Variants in TARS3 observed in about 807,000 individuals in gnomAD.
TARS3 encodes threonine--tRNA ligase 2, cytoplasmic.
A neutral mutation model predicts 103.5 loss-of-function variants in TARS3; 94 were observed. The ratio of observed to expected loss-of-function variants is 0.91; its 90% CI spans 0.77 to 1.08. TARS3 has a LOEUF of 1.08. TARS3 is among the 50% of genes least tolerant of loss of function. The probability of loss-of-function intolerance (pLI) is 0.00; values close to 1 mark genes in which losing one functional copy is unlikely to be tolerated. For missense variants in TARS3, 952 were observed against 995.2 expected, an observed-to-expected ratio of 0.96 and a Z score of 0.58; for synonymous variants, 416 against 355.4, an observed-to-expected ratio of 1.17 and a Z score of -1.92.
chr15:101,683,393 G>A (rs190193018), intron 12 of TARS3, among the ~76,000 whole-genome samples: 1 of 152,064 alleles, frequency 6.6e-6, no homozygotes, highest in Non-Finnish European at 1.5e-5. Context: ...TAAACATTAG[G>A]GTTAATTAAA....
In TARS3 at chr15:101,654,340, TTAAG is replaced by T. The variant is rs1486076584; in HGVS notation, c.*238_*241del. On this transcript the variant is annotated 3_prime_UTR_variant, in exon 19 of 19. Transcript: ENST00000335968. ...TTCTCGATGAATAATATTTCCCCAT[TTAAG>T]TTTCTCAAGGCATTGATTGCTGGAA... is the stretch of plus-strand genomic sequence containing the variant. 2.7e-5 allele frequency: 11 copies of T among 400,090 alleles called. No individual in the cohort carries two copies. Among genetic ancestry groups the T allele is most frequent in the Non-Finnish European group, 4.4e-5 (10 of 228,890 alleles). The allele number at this position is 400,090 out of a possible 1,614,324, so 24.8% of individuals were successfully genotyped here.
chr15:101,704,298 A>G (rs973597449), intron 7 of TARS3, among the ~76,000 whole-genome samples: 2 of 152,140 alleles, frequency 1.3e-5, no homozygotes, highest in Non-Finnish European at 2.9e-5. Flanking sequence ...TGTAAACAAC[A>G]CTCAGATGAA....
At chr15:101,683,550 T>C (rs1222877760) in intron 12 of TARS3, among the ~76,000 whole-genome samples, 1 of 152,212 alleles carries the variant, frequency 6.6e-6, no homozygotes, top group Non-Finnish European at 1.5e-5. Context: ...TGACTGGGTG[T>C]ACACACATGT....
chr15:101,710,558 T>C (rs937484384), intron 5 of TARS3, among the ~76,000 whole-genome samples: 12 of 152,264 alleles, frequency 7.9e-5, no homozygotes, highest in Middle Eastern at 6.8e-3. Context: ...CTCATTGGTG[T>C]CCAGAGAGTT....
rs1300679235 is a variant in TARS3 at position 101,701,338 on chromosome 15, G to A, written c.1222-154C>T. On this transcript the variant is annotated intron_variant, in intron 9 of 18. Coordinates refer to ENST00000335968, the MANE Select transcript of TARS3 (RefSeq NM_152334.3). ...TACCTAAATGCATGCAACAGCATATGTAAAATTTCCAATCATATTTATGCC... is the reference window on the plus strand; with the variant it reads ...TACCTAAATGCATGCAACAGCATATATAAAATTTCCAATCATATTTATGCC... 2.0e-5 allele frequency among the ~76,000 whole-genome samples: 3 copies of A among 152,218 alleles called. No homozygotes were observed. In the East Asian group the frequency reaches 5.8e-4, roughly 29 times the overall value.
intron 15 of TARS3, among the ~76,000 whole-genome samples, chr15:101,667,124 C>CTT (rs879362310): frequency 6.8e-6 from 1 of 147,792 alleles, no homozygotes. Flanking sequence ...TGAAATGAAT[C>CTT]TTTTTTTTTT....
chr15:101,685,138 TCA>T (rs1898413602), intron 11 of TARS3, among the ~76,000 whole-genome samples: 2 of 152,228 alleles, frequency 1.3e-5, no homozygotes, highest in Non-Finnish European at 2.9e-5. Flanking sequence ...TCTTCAGTGT[TCA>T]GTTACCGGTT....
intron 12 of TARS3, among the ~76,000 whole-genome samples, chr15:101,683,185 T>C (rs1346493901): frequency 2.0e-5 from 3 of 152,200 alleles, no homozygotes; most frequent in African/African-American, 4.8e-5. Flanking sequence ...TCTTTTTCTA[T>C]CTTAAGTAAA....
intron 13 of TARS3, among the ~76,000 whole-genome samples, chr15:101,674,041 C>T (rs1340253653): frequency 6.6e-6 from 1 of 152,134 alleles, no homozygotes; most frequent in Non-Finnish European, 1.5e-5. Context: ...CAGAAATAAA[C>T]AACTCATAAG....
intron 12 of TARS3, 41 bp from the exon 13 acceptor site, chr15:101,675,778 A>G: frequency 6.4e-7 from 1 of 1,570,006 alleles, no homozygotes; most frequent in South Asian, 1.1e-5. Flanking sequence ...AGAACATCAA[A>G]TTCATTTATG....
At position 101,675,761 on chromosome 15, in the gene TARS3, T is replaced by C. The variant is rs373343501; in HGVS notation, c.1651-24A>G. On this transcript the variant is annotated intron_variant, in intron 12 of 18. Coordinates refer to ENST00000335968, the MANE Select transcript of TARS3 (RefSeq NM_152334.3). ...ATCTGAAATCAAAGCAAATGAAACATTCAAATAGAACATCAAATTCATTTA... is the reference window on the plus strand; with the variant it reads ...ATCTGAAATCAAAGCAAATGAAACACTCAAATAGAACATCAAATTCATTTA... 3.8e-6 allele frequency: 6 copies of C among 1,595,594 alleles called. No individual in the cohort carries two copies. In the African/African-American group the frequency reaches 6.8e-5, roughly 18 times the overall value.
At chr15:101,668,707 C>T (rs1897677836) in intron 15 of TARS3, among the ~76,000 whole-genome samples, 3 of 152,048 alleles carry the variant, frequency 2.0e-5, no homozygotes, top group African/African-American at 7.2e-5. Flanking sequence ...ATATATATAC[C>T]GTCATGCACT....
intron 10 of TARS3, among the ~76,000 whole-genome samples, chr15:101,692,350 T>G (rs1207420052): frequency 1.6e-5 from 1 of 64,308 alleles, no homozygotes; most frequent in East Asian, 4.5e-4. Flanking sequence ...CTCTGTGGGT[T>G]CTGGTATTAC....
At position 101,702,107 on chromosome 15, in the gene TARS3, G is replaced by A. The variant is rs113627785; in HGVS notation, c.1221+132C>T. On this transcript the variant is annotated intron_variant, in intron 9 of 18. Coordinates refer to ENST00000335968, the MANE Select transcript of TARS3 (RefSeq NM_152334.3). ...ATTAAAATGAAAGCACTGAGCAGCG[G>A]ACTGTGAGTGCCAGCAAAATAGGAG... The A allele has an allele frequency of 5.0e-4, 484 of 958,810 alleles. 3 individuals are homozygous for A. The highest frequency in any genetic ancestry group is 1.3e-3 in the Middle Eastern group (6 of 4,494). 59.4% of individuals were successfully genotyped at this position (958,810 alleles called of 1,614,324 possible). A position where few individuals can be genotyped will look rare whatever the true frequency, so the allele number is the denominator to read the frequency against.
chr15:101,704,762 A>G (rs1208830892), intron 7 of TARS3, among the ~76,000 whole-genome samples: 2 of 152,192 alleles, frequency 1.3e-5, no homozygotes, highest in African/African-American at 2.4e-5. Context: ...AAAAGTGTCA[A>G]TGTTGACGTA....
chr15:101,685,523 T>G (rs1481474705), intron 11 of TARS3, among the ~76,000 whole-genome samples: 2 of 152,222 alleles, frequency 1.3e-5, no homozygotes, highest in Non-Finnish European at 2.9e-5. Context: ...CCATTGATTA[T>G]GACCTCATTG....
At position 101,671,596 on chromosome 15, in the gene TARS3, AAAT is replaced by A; in HGVS notation, c.1867-13_1867-11del. ...TGATTTTTATGTCAATCTACAAATT[AAAT>A]AATGTTTGCTCAGAAAAGAGTATTT... On this transcript the variant is annotated splice_polypyrimidine_tract_variant and intron_variant, in intron 14 of 18. Coordinates refer to ENST00000335968, the MANE Select transcript of TARS3 (RefSeq NM_152334.3). The A allele has an allele frequency of 3.7e-6, 6 of 1,609,922 alleles. No homozygotes were observed. Among genetic ancestry groups the A allele is most frequent in the Non-Finnish European group, 5.1e-6 (6 of 1,176,468 alleles).
chr15:101,717,261 G>T (rs999069142), intron 3 of TARS3, among the ~76,000 whole-genome samples: 1 of 152,154 alleles, frequency 6.6e-6, no homozygotes, highest in Non-Finnish European at 1.5e-5. Context: ...TTTAAATACT[G>T]GACAATTTAC....
At chr15:101,676,579 A>G (rs900095261) in intron 12 of TARS3, among the ~76,000 whole-genome samples, 1 of 151,976 alleles carries the variant, frequency 6.6e-6, no homozygotes, top group African/African-American at 2.4e-5. Context: ...GCTCACTGCA[A>G]CCTCTGCCTC....
Sources: gnomAD v4.1 joint callset for allele counts (sites outside exome capture counted in the v4.1 genomes callset) on GRCh38, gnomAD v4.1.1 for gene constraint, MANE v1.5 for transcripts, NCBI Gene and HGNC (gene_info 2026-07-23, HGNC 2026-07-21) for gene names.